Variants in NUDT9 observed in about 807,000 individuals in gnomAD.
The protein encoded by NUDT9 is nudix hydrolase 9, also known as ADP-ribose pyrophosphatase.
In NUDT9, 31 loss-of-function variants were observed where a neutral mutation model predicts 41.0. The observed-to-expected ratio is 0.76, with a 90% CI of 0.57 to 1.02. The LOEUF (loss-of-function observed/expected upper bound fraction) is 1.02, where lower values mean the gene tolerates loss of function less well. Among genes scored for constraint, NUDT9 ranks in the 50% least tolerant of loss-of-function variants. The pLI is 0.00. For missense variants in NUDT9, 380 were observed against 431.4 expected, an observed-to-expected ratio of 0.88 and a Z score of 1.06; for synonymous variants, 146 against 147.6, an observed-to-expected ratio of 0.99 and a Z score of 0.08.
intron 1 of NUDT9, among the ~76,000 whole-genome samples, chr4:87,431,712 T>C (rs1381059045): frequency 6.6e-6 from 1 of 152,150 alleles, no homozygotes; most frequent in Non-Finnish European, 1.5e-5. Flanking sequence ...TAATTATTAG[T>C]GCTTTGTTTG....
intron 1 of NUDT9, among the ~76,000 whole-genome samples, chr4:87,427,234 C>T (rs1721469041): frequency 1.3e-5 from 2 of 151,330 alleles, no homozygotes; most frequent in South Asian, 4.2e-4. Flanking sequence ...TCACTATATA[C>T]ATTTAGGTGT....
At chr4:87,434,764 G>A (rs559871480) in intron 1 of NUDT9, among the ~76,000 whole-genome samples, 2 of 151,946 alleles carry the variant, frequency 1.3e-5, no homozygotes, top group South Asian at 4.2e-4. Context: ...CAAGTAGCTG[G>A]GATTACAGGC....
chr4:87,438,421 A>T, intron 3 of NUDT9, 49 bp downstream of exon 3: 1 of 982,376 alleles, frequency 1.0e-6, no homozygotes, highest in Non-Finnish European at 1.6e-6. Flanking sequence ...ACCAAAAAGT[A>T]GAAAAGATAG....
Position 87,458,674 on chromosome 4 carries a change from T to TA in NUDT9, c.*660dup, listed in dbSNP as rs918358250. 3 of 152,076 alleles carry TA rather than the reference T, an allele frequency of 2.0e-5. No individual in the cohort carries two copies. The highest frequency in any genetic ancestry group is 7.2e-5 in the African/African-American group (3 of 41,414). The allele number at this position is 152,076 out of a possible 1,614,324, so 9.4% of individuals were successfully genotyped here. On this transcript the variant is annotated 3_prime_UTR_variant, in exon 8 of 8. Transcript: ENST00000302174. ...ACTCTCATTTTCAAAAATTCTGAAT[T>TA]AAAAAAAGTCCAGGAAGTTAGTAAT...
intron 3 of NUDT9, among the ~76,000 whole-genome samples, chr4:87,440,730 C>T (rs148571498): frequency 1.6e-4 from 25 of 152,168 alleles, no homozygotes; most frequent in African/African-American, 5.1e-4. Flanking sequence ...CCTGTAATCC[C>T]AGCTACTCAG....
chr4:87,453,733 G>GCTTTGA, intron 6 of NUDT9, among the ~76,000 whole-genome samples: 1 of 151,706 alleles, frequency 6.6e-6, no homozygotes, highest in Non-Finnish European at 1.5e-5. Context: ...TGGCCTGAGG[G>GCTTTGA]TTTCATGATT....
At chr4:87,453,150 T>G (rs1223868234) in intron 6 of NUDT9, among the ~76,000 whole-genome samples, 1 of 152,196 alleles carries the variant, frequency 6.6e-6, no homozygotes, top group African/African-American at 2.4e-5. Flanking sequence ...CTTGTTTTCT[T>G]TTCAGAATTG....
intron 3 of NUDT9, among the ~76,000 whole-genome samples, chr4:87,440,567 G>T (rs1192789557): frequency 1.3e-5 from 2 of 152,188 alleles, no homozygotes; most frequent in Non-Finnish European, 2.9e-5. Flanking sequence ...ATGGTTGCAG[G>T]CCGGGCATGG....
chr4:87,423,518 CCTT>C (rs35340619), intron 1 of NUDT9, among the ~76,000 whole-genome samples: 14,642 of 152,040 alleles, frequency 0.096, 1,013 homozygotes, highest in East Asian at 0.29. Flanking sequence ...TACACTGCCT[CCTT>C]CTGTTCTTCC....
chr4:87,436,986 C>T (rs528548085), intron 2 of NUDT9, among the ~76,000 whole-genome samples: 3 of 152,058 alleles, frequency 2.0e-5, no homozygotes, highest in African/African-American at 4.8e-5. Flanking sequence ...CAGTGGCTCA[C>T]GCCTGTAATC....
At chr4:87,433,044 C>A (rs7660018) in intron 1 of NUDT9, among the ~76,000 whole-genome samples, 2 of 151,882 alleles carry the variant, frequency 1.3e-5, no homozygotes, top group African/African-American at 4.8e-5. Flanking sequence ...TTCCTCTTCA[C>A]GTTTTTGGAA....
chr4:87,438,343 C>A lies in NUDT9; in HGVS notation c.414C>A (p.Gly138=). 6.2e-7 allele frequency: 1 copy of A among 1,609,710 alleles called. No individual in the cohort carries two copies. The highest frequency in any genetic ancestry group is 8.5e-7 in the Non-Finnish European group (1 of 1,176,562). Reference sequence around the variant, plus strand: ...ATGTTGAGAGAAAGAGCAAGAATGGCCTGTATGAGATTGAAAATGGAAGAC... The same window carrying A: ...ATGTTGAGAGAAAGAGCAAGAATGGACTGTATGAGATTGAAAATGGAAGAC... ...DGHVERKSKN[G]LYEIENGRPR... Residue 138 remains glycine (G), a synonymous_variant, in exon 3 of 8, where the codon GGC becomes GGA. Transcript: ENST00000302174.
At chr4:87,438,251 A>T in intron 2 of NUDT9, 26 bp from the exon 3 acceptor site, 1 of 1,244,628 alleles carries the variant, frequency 8.0e-7, no homozygotes, top group Non-Finnish European at 1.2e-6. Context: ...ATTATTTCTT[A>T]TTTTACATTG....
chr4:87,422,664 C>T lies in NUDT9; in HGVS notation c.-242C>T. The T allele has an allele frequency of 2.7e-6, 1 of 376,880 alleles. No individual in the cohort carries two copies. Among genetic ancestry groups the T allele is most frequent in the Non-Finnish European group, 4.7e-6 (1 of 211,890 alleles). 23.3% of individuals were successfully genotyped at this position (376,880 alleles called of 1,614,324 possible). A position where few individuals can be genotyped will look rare whatever the true frequency, so the allele number is the denominator to read the frequency against. Reference sequence around the variant, plus strand: ...AGGCAGCTGGCGCTGGAGGCTTCGGCGTCACGTGCTGGTCTGGATTTTTCT... The same window carrying T: ...AGGCAGCTGGCGCTGGAGGCTTCGGTGTCACGTGCTGGTCTGGATTTTTCT... On this transcript the variant is annotated 5_prime_UTR_variant, in exon 1 of 8. Transcript: ENST00000302174.
chr4:87,441,987 TTG>T (rs2110176546), intron 4 of NUDT9, 72 bp downstream of exon 4: 1 of 1,034,418 alleles, frequency 9.7e-7, no homozygotes, highest in South Asian at 1.6e-5. Flanking sequence ...GTAGCTATGT[TTG>T]TGTATATATG....
chr4:87,442,094 G>A (rs772424559), intron 4 of NUDT9, among the ~76,000 whole-genome samples, 179 bp downstream of exon 4: 10 of 152,140 alleles, frequency 6.6e-5, no homozygotes, highest in Non-Finnish European at 8.8e-5. Context: ...TCTGAGAAAT[G>A]CATTATTAGG....
At chr4:87,424,761 T>C (rs564383182) in intron 1 of NUDT9, among the ~76,000 whole-genome samples, 103 of 152,224 alleles carry the variant, frequency 6.8e-4, no homozygotes, top group Non-Finnish European at 1.4e-3. Flanking sequence ...TACACGTGTG[T>C]GCTCTCTGGA....
intron 4 of NUDT9, among the ~76,000 whole-genome samples, chr4:87,443,088 A>G (rs1222962094): frequency 1.3e-5 from 2 of 152,188 alleles, no homozygotes; most frequent in African/African-American, 2.4e-5. Context: ...TTACGTCAGC[A>G]TCACCACAAG....
intron 6 of NUDT9, among the ~76,000 whole-genome samples, chr4:87,451,956 T>A (rs1394883955): frequency 6.6e-6 from 1 of 151,842 alleles, no homozygotes; most frequent in Non-Finnish European, 1.5e-5. Flanking sequence ...TGATATATAT[T>A]TAGTTCATTT....
Sources: gnomAD v4.1 joint callset for allele counts (sites outside exome capture counted in the v4.1 genomes callset) on GRCh38, gnomAD v4.1.1 for gene constraint, MANE v1.5 for transcripts, NCBI Gene and HGNC (gene_info 2026-07-23, HGNC 2026-07-21) for gene names.